TRERF1: variants seen among roughly 807,000 people sequenced by gnomAD.
TRERF1 encodes transcriptional regulating factor 1, also known as transcriptional-regulating factor 1.
A neutral mutation model predicts 122.9 loss-of-function variants in TRERF1; 27 were observed. The observed-to-expected ratio is 0.22, with a 90% confidence interval of 0.16 to 0.30. The LOEUF is 0.30. Ranked by LOEUF, TRERF1 falls within the 10% of genes least tolerant of loss-of-function variation. TRERF1 has a pLI of 1.00. For synonymous variants in TRERF1, 636 were observed against 641.7 expected, an observed-to-expected ratio of 0.99 and a Z score of 0.13; for missense variants, 1,248 against 1,560.3, an observed-to-expected ratio of 0.80 and a Z score of 3.37.
At chr6:42,299,137 C>CT (rs1554152228) in intron 4 of TRERF1, among the ~76,000 whole-genome samples, 1,425 of 132,200 alleles carry the variant, frequency 0.011, 31 homozygotes, top group African/African-American at 0.018. Flanking sequence ...TATCTATCTA[C>CT]ATATATATAT....
chr6:42,376,823 G>A (rs1774973569), intron 2 of TRERF1, among the ~76,000 whole-genome samples: 1 of 151,670 alleles, frequency 6.6e-6, no homozygotes, highest in African/African-American at 2.4e-5. Flanking sequence ...TTACAGGCGT[G>A]AGCCACCGCA....
intron 2 of TRERF1, among the ~76,000 whole-genome samples, chr6:42,436,594 G>A (rs1309102205): frequency 2.0e-5 from 3 of 151,522 alleles, no homozygotes; most frequent in African/African-American, 7.3e-5. Context: ...AGTGAATGAA[G>A]GATCCTGGAT....
intron 4 of TRERF1, among the ~76,000 whole-genome samples, chr6:42,299,950 C>T (rs111612713): frequency 5.9e-5 from 9 of 152,294 alleles, no homozygotes; most frequent in South Asian, 2.1e-4. Flanking sequence ...GCAAGGCAGA[C>T]GCTGGAGGTA....
intron 3 of TRERF1, among the ~76,000 whole-genome samples, chr6:42,353,876 T>C (rs990328127): frequency 2.0e-5 from 3 of 152,230 alleles, no homozygotes; most frequent in African/African-American, 7.2e-5. Context: ...GAAAAGATTA[T>C]GGGAGGATTT....
chr6:42,427,532 T>C (rs1421684479), intron 2 of TRERF1, among the ~76,000 whole-genome samples: 2 of 148,424 alleles, frequency 1.3e-5, no homozygotes, highest in African/African-American at 5.1e-5. Flanking sequence ...ATTACAGGTG[T>C]GAGCCACCTT....
chr6:42,284,963 A>G (rs144176573), intron 4 of TRERF1, among the ~76,000 whole-genome samples: 30 of 152,008 alleles, frequency 2.0e-4, no homozygotes, highest in African/African-American at 5.1e-4. Flanking sequence ...TGAAGTAAGC[A>G]GACCTTTTTT....
chr6:42,317,881 C>T (rs953607833), intron 3 of TRERF1, among the ~76,000 whole-genome samples: 8 of 151,900 alleles, frequency 5.3e-5, no homozygotes, highest in East Asian at 1.9e-4. Flanking sequence ...AGGCTAGGCA[C>T]GGTGGCTCAC....
rs201588044 is a variant in TRERF1, at chr6:42,256,954, T to C, written c.2476+9A>G. The C allele has an allele frequency of 1.1e-4, 177 of 1,614,158 alleles. No homozygotes were observed. In the East Asian group the frequency reaches 3.8e-3, roughly 35 times the overall value. ...CCTCTCCCACCCAGCTCTTCCCATA[T>C]GCCAATACCTCTTTGCTGGAGGTCA... On this transcript the variant is annotated intron_variant, in intron 11 of 17. Transcript: ENST00000372922.
chr6:42,355,907 G>C (rs576096251), intron 3 of TRERF1, among the ~76,000 whole-genome samples: 69 of 152,342 alleles, frequency 4.5e-4, no homozygotes, highest in African/African-American at 1.7e-3. Context: ...GGCACATGAA[G>C]GTTATAGAAG....
chr6:42,326,747 C>CA (rs1764361116), intron 3 of TRERF1, among the ~76,000 whole-genome samples: 1 of 152,156 alleles, frequency 6.6e-6, no homozygotes, highest in Non-Finnish European at 1.5e-5. Flanking sequence ...TGATAGAAAG[C>CA]AAAACAATGC....
chr6:42,230,504 A>T (rs998625385), intron 17 of TRERF1, among the ~76,000 whole-genome samples: 12 of 152,220 alleles, frequency 7.9e-5, no homozygotes, highest in Admixed American at 6.5e-5. Flanking sequence ...GGGTGGTGCT[A>T]GCTCCTCTGG....
chr6:42,262,235 A>G (rs563302419), intron 8 of TRERF1, among the ~76,000 whole-genome samples: 63 of 151,746 alleles, frequency 4.2e-4, no homozygotes, highest in African/African-American at 1.4e-3. Context: ...TTGATATTAC[A>G]CCATAAAGGT....
In TRERF1 at chr6:42,232,774, C is replaced by T; in HGVS notation, c.3185G>A (p.Ser1062Asn). The change falls in exon 17 of 18, where the codon AGT becomes AAT. Residue 1062 changes from serine (S) to asparagine (N), a missense_variant. Transcript: ENST00000372922. This position sits in a 1 kb window ranked among gnomAD's most constrained non-coding sequence, Gnocchi z 4.5. ...TGAGCTCTTTACCGAACAGTACCCACTCTGGGTGCCACCAGGCTTCTGCTT... is the reference window on the plus strand; with the variant it reads ...TGAGCTCTTTACCGAACAGTACCCATTCTGGGTGCCACCAGGCTTCTGCTT... The T allele has an allele frequency of 6.2e-7, 1 of 1,613,416 alleles. No homozygotes were observed. Among genetic ancestry groups the T allele is most frequent in the Non-Finnish European group, 8.5e-7 (1 of 1,179,540 alleles).
chr6:42,273,072 T>C (rs1026529330), intron 4 of TRERF1, among the ~76,000 whole-genome samples: 6 of 152,136 alleles, frequency 3.9e-5, no homozygotes, highest in Admixed American at 3.9e-4. Context: ...CGCCACTGGG[T>C]ATCCTTCAGA....
At chr6:42,324,100 G>C (rs1019207916) in intron 3 of TRERF1, among the ~76,000 whole-genome samples, 5 of 152,038 alleles carry the variant, frequency 3.3e-5, no homozygotes, top group African/African-American at 1.2e-4. Context: ...CCTAGCACAG[G>C]GTCTGTTCCA....
In TRERF1 at chr6:42,263,380, G is replaced by A. The variant is rs574595307; in HGVS notation, c.1824C>T (p.Ala608=). 2.0e-4 allele frequency: 324 copies of A among 1,612,862 alleles called. 2 individuals carry two copies. In the South Asian group the frequency reaches 3.2e-3, roughly 16 times the overall value. Reference sequence around the variant, plus strand: ...CTGGCTTGTCTCTGGCGGAGGGGGCGGCAACGGTGCTGTTGGTGAACCCCT... The same window carrying A: ...CTGGCTTGTCTCTGGCGGAGGGGGCAGCAACGGTGCTGTTGGTGAACCCCT... Residue 608 remains alanine, a synonymous_variant, in exon 8 of 18, where the codon GCC becomes GCT. Transcript: ENST00000372922. This position sits in a 1 kb window ranked among gnomAD's most constrained non-coding sequence, Gnocchi z 5.6.
At chr6:42,336,366 GGGTCTTGAGA>G (rs1766175724) in intron 3 of TRERF1, among the ~76,000 whole-genome samples, 1 of 152,056 alleles carries the variant, frequency 6.6e-6, no homozygotes, top group South Asian at 2.1e-4. Context: ...CTCATCCCCT[GGGTCTTGAGA>G]GGTTCCCTGG....
In TRERF1 at chr6:42,269,756, G is replaced by A. The variant is rs759833521; in HGVS notation, c.-166C>T. On this transcript the variant is annotated 5_prime_UTR_variant, in exon 5 of 18. Transcript: ENST00000372922. The surrounding 1 kb of genome is among the most constrained non-coding windows in gnomAD (Gnocchi z 4.9). ...TGGAGCCAGGTGTTCCTGTTGGCCT[G>A]TACCACTCATGTGCAGGGCGGGGGG... 4.2e-6 allele frequency: 6 copies of A among 1,442,372 alleles called. No homozygotes were observed. The highest frequency in any genetic ancestry group is 1.4e-5 in the African/African-American group (1 of 69,974). 89.3% of individuals were successfully genotyped at this position (1,442,372 alleles called of 1,614,324 possible). A position where few individuals can be genotyped will look rare whatever the true frequency, so the allele number is the denominator to read the frequency against.
intron 4 of TRERF1, among the ~76,000 whole-genome samples, chr6:42,295,872 G>A (rs1228079876): frequency 6.6e-6 from 1 of 152,164 alleles, no homozygotes; most frequent in Non-Finnish European, 1.5e-5. Flanking sequence ...CTTGTTGCCT[G>A]ATAGATATCA....
Sources: gnomAD v4.1 joint callset for allele counts (sites outside exome capture counted in the v4.1 genomes callset) on GRCh38, gnomAD v4.1.1 for gene constraint, Gnocchi (gnomAD v3.1) non-coding constraint, MANE v1.5 for transcripts, NCBI Gene and HGNC (gene_info 2026-07-23, HGNC 2026-07-21) for gene names.